The following TTC39B variants were observed in gnomAD, a reference collection of about 807,000 sequenced individuals.
The protein encoded by TTC39B is tetratricopeptide repeat domain 39B.
TTC39B carries 92 observed loss-of-function variants against 96.6 expected under a neutral mutation model. The observed-to-expected ratio is 0.95, with a 90% confidence interval of 0.80 to 1.13. The LOEUF is 1.13. Ranked by LOEUF, TTC39B falls within the 50% of genes most tolerant of loss-of-function variation. The pLI is 0.00. For missense variants in TTC39B, 955 were observed against 809.3 expected, an observed-to-expected ratio of 1.18 and a Z score of -2.18; for synonymous variants, 367 against 299.4, an observed-to-expected ratio of 1.23 and a Z score of -2.33.
chr9:15,191,340 G>T, intron 9 of TTC39B, 85 bp from the exon 10 acceptor site: 1 of 874,460 alleles, frequency 1.1e-6, no homozygotes, highest in Non-Finnish European at 1.8e-6. Context: ...CAGTTTTAAT[G>T]CTTCAATAAC....
At chr9:15,274,516 C>A (rs1053515401) in intron 1 of TTC39B, among the ~76,000 whole-genome samples, 4 of 152,174 alleles carry the variant, frequency 2.6e-5, no homozygotes, top group African/African-American at 9.7e-5. Context: ...ACCCCTCATA[C>A]CCTCCTTAAA....
At chr9:15,296,718 T>C in intron 1 of TTC39B, among the ~76,000 whole-genome samples, 1 of 152,168 alleles carries the variant, frequency 6.6e-6, no homozygotes, top group East Asian at 1.9e-4. Flanking sequence ...TGGTCTCAAA[T>C]TCCTGATCTC....
intron 1 of TTC39B, among the ~76,000 whole-genome samples, chr9:15,289,896 T>C (rs936805601): frequency 3.9e-5 from 6 of 152,108 alleles, no homozygotes; most frequent in African/African-American, 1.4e-4. Flanking sequence ...GAACAAATTA[T>C]TCATGTGGGC....
At chr9:15,219,284 T>A (rs1230923207) in intron 3 of TTC39B, among the ~76,000 whole-genome samples, 2 of 152,112 alleles carry the variant, frequency 1.3e-5, no homozygotes, top group Non-Finnish European at 2.9e-5. Flanking sequence ...TAAGCATTTA[T>A]ATATATTGAG....
intron 4 of TTC39B, among the ~76,000 whole-genome samples, chr9:15,213,045 C>T (rs902137215): frequency 6.6e-6 from 1 of 152,068 alleles, no homozygotes; most frequent in African/African-American, 2.4e-5. Flanking sequence ...GATCACTGAA[C>T]ACTGTATACA....
At chr9:15,295,308 G>T (rs1796927274) in intron 1 of TTC39B, among the ~76,000 whole-genome samples, 1 of 152,178 alleles carries the variant, frequency 6.6e-6, no homozygotes, top group South Asian at 2.1e-4. Context: ...GGGTATGGCT[G>T]TGCTCCAATT....
At chr9:15,279,850 C>T (rs10122202) in intron 1 of TTC39B, among the ~76,000 whole-genome samples, 16,056 of 150,568 alleles carry the variant, frequency 0.11, 1,701 homozygotes, top group African/African-American at 0.27. Flanking sequence ...ATTCCACCTG[C>T]TGCCTTTTCT....
Position 15,185,409 on chromosome 9 carries a change from G to C in TTC39B, c.1488-3C>G. On this transcript the variant is annotated splice_region_variant and splice_polypyrimidine_tract_variant and intron_variant, in intron 15 of 19. Transcript: ENST00000512701. ...TCTGCTTCAAGCTGTCCACCTGTCT[G>C]TGAAGAACCCCAGCCCAGCCCCAGA... 1 of 1,613,480 alleles carries C rather than the reference G, an allele frequency of 6.2e-7. No homozygotes were observed.
intron 1 of TTC39B, among the ~76,000 whole-genome samples, chr9:15,271,325 G>A (rs1448705815): frequency 1.3e-5 from 2 of 152,116 alleles, no homozygotes; most frequent in Non-Finnish European, 2.9e-5. Context: ...GATTTTTAGT[G>A]GCGAAAAAGA....
At position 15,184,570 on chromosome 9, in the gene TTC39B, C is replaced by T. The variant is rs1818420076; in HGVS notation, c.1614+710G>A. Among the ~76,000 whole-genome samples the T allele has an allele frequency of 3.3e-5, 5 of 152,132 alleles. No homozygotes were observed. The South Asian group carries it at 8.3e-4, about 25-fold the overall frequency. ...GATATATTCAGTATTTTTTGAAGAA[C>T]ACTTCATTAAGAAAATTCAAGTTGA... is the stretch of plus-strand genomic sequence containing the variant. On this transcript the variant is annotated intron_variant, in intron 16 of 19. Transcript: ENST00000512701.
At chr9:15,266,834 C>A (rs1823149404) in intron 2 of TTC39B, among the ~76,000 whole-genome samples, 1 of 152,098 alleles carries the variant, frequency 6.6e-6, no homozygotes, top group Non-Finnish European at 1.5e-5. Context: ...AATCCCAGCA[C>A]TTTGGGAGGA....
chr9:15,215,207 C>T (rs771493087), intron 3 of TTC39B, among the ~76,000 whole-genome samples: 40 of 152,218 alleles, frequency 2.6e-4, no homozygotes, highest in South Asian at 6.2e-4. Flanking sequence ...GCCATGATCA[C>T]GCCACTGTAC....
intron 1 of TTC39B, among the ~76,000 whole-genome samples, chr9:15,284,247 G>A (rs572423897): frequency 6.6e-6 from 1 of 152,212 alleles, no homozygotes; most frequent in Non-Finnish European, 1.5e-5. Context: ...TTACAAGGTT[G>A]ATAATATCCA....
chr9:15,185,350 A>G (rs142908741), exon 16 of TTC39B: 29 of 1,613,802 alleles, frequency 1.8e-5, no homozygotes, highest in Non-Finnish European at 2.1e-5. Context: ...CCTCACAGCA[A>G]ACTTCTCAGT....
intron 1 of TTC39B, among the ~76,000 whole-genome samples, chr9:15,278,260 AT>A (rs1216245187): frequency 6.6e-6 from 1 of 152,222 alleles, no homozygotes; most frequent in Non-Finnish European, 1.5e-5. Flanking sequence ...AGTTGCCATT[AT>A]CATAGAATAC....
rs1824748024 is a variant in TTC39B, at chr9:15,306,224, C to G, written c.240+860G>C. 6.6e-6 allele frequency among the ~76,000 whole-genome samples: 1 copy of G among 152,306 alleles called. No homozygotes were observed. Among genetic ancestry groups the G allele is most frequent in the South Asian group, 2.1e-4 (1 of 4,826 alleles). ...TGGGTGCTGGCTGCTGCTGGAGCCT[C>G]GGTCTCAACTTCAAGAGCAGGGAGA... On this transcript the variant is annotated intron_variant, in intron 1 of 19. Coordinates refer to ENST00000512701, the Ensembl canonical transcript of TTC39B. This position sits in a 1 kb window ranked among gnomAD's most constrained non-coding sequence, Gnocchi z 5.1.
intron 1 of TTC39B, among the ~76,000 whole-genome samples, chr9:15,297,613 T>C (rs903690491): frequency 1.3e-5 from 2 of 152,148 alleles, no homozygotes; most frequent in Admixed American, 1.3e-4. Flanking sequence ...ATCCACACCA[T>C]ATCTTACCCA....
At chr9:15,180,513 G>C (rs1262174336) in intron 17 of TTC39B, among the ~76,000 whole-genome samples, 3 of 152,158 alleles carry the variant, frequency 2.0e-5, no homozygotes, top group African/African-American at 7.2e-5. Context: ...GAGTATTGCA[G>C]AGTAGATCAG....
At chr9:15,293,984 G>T (rs1824281893) in intron 1 of TTC39B, among the ~76,000 whole-genome samples, 1 of 152,160 alleles carries the variant, frequency 6.6e-6, no homozygotes, top group South Asian at 2.1e-4. Flanking sequence ...TGGCTGCACT[G>T]CAGTCTCCGA....
Sources: gnomAD v4.1 joint callset for allele counts (sites outside exome capture counted in the v4.1 genomes callset) on GRCh38, gnomAD v4.1.1 for gene constraint, Gnocchi (gnomAD v3.1) non-coding constraint, MANE v1.5 for transcripts, NCBI Gene and HGNC (gene_info 2026-07-23, HGNC 2026-07-21) for gene names.